The following CLIC5 variants were observed in gnomAD, a reference collection of about 807,000 sequenced individuals.
CLIC5 encodes the protein chloride intracellular channel protein 5.
A neutral mutation model predicts 24.7 loss-of-function variants in CLIC5; 20 were observed. The ratio of observed to expected loss-of-function variants is 0.81; its 90% CI spans 0.57 to 1.18. CLIC5 has a LOEUF of 1.18. Ranked by LOEUF, CLIC5 falls within the 50% of genes most tolerant of loss-of-function variation. CLIC5 has a pLI of 0.00. For synonymous variants in CLIC5, 159 were observed against 135.6 expected (o/e 1.17, Z -1.20); for missense variants, 341 against 326.1 (o/e 1.05, Z -0.35).
intron 1 of CLIC5, among the ~76,000 whole-genome samples, chr6:45,969,344 A>G (rs941249489): frequency 2.0e-5 from 3 of 152,136 alleles, no homozygotes; most frequent in African/African-American, 7.2e-5. Context: ...CTGCCTTCTC[A>G]CAACTTCTCT....
downstream of CLIC5, among the ~76,000 whole-genome samples, chr6:45,895,232 G>T (rs890866111): frequency 6.2e-4 from 95 of 152,014 alleles, 2 homozygotes; most frequent in Admixed American, 2.0e-4. Flanking sequence ...ATAATTCTAG[G>T]ATTATAGCAC....
chr6:45,964,760 C>T (rs1764963293), intron 1 of CLIC5, among the ~76,000 whole-genome samples: 1 of 152,174 alleles, frequency 6.6e-6, no homozygotes, highest in Non-Finnish European at 1.5e-5. Context: ...TAACCAAGTC[C>T]TGGCCAAATG....
upstream of CLIC5, among the ~76,000 whole-genome samples, chr6:46,082,830 C>A (rs765095362): frequency 4.6e-5 from 7 of 152,138 alleles, no homozygotes; most frequent in Admixed American, 1.3e-4. Context: ...ATATTTATCA[C>A]CCTCTAATAA....
chr6:46,074,429 G>A (rs1247891382), intron 1 of CLIC5, among the ~76,000 whole-genome samples: 1 of 152,186 alleles, frequency 6.6e-6, no homozygotes, highest in Admixed American at 6.5e-5. Context: ...CCAAATTATA[G>A]TGAATAATTC....
chr6:45,984,128 A>G (rs1330977771), intron 1 of CLIC5, among the ~76,000 whole-genome samples: 1 of 152,236 alleles, frequency 6.6e-6, no homozygotes, highest in Non-Finnish European at 1.5e-5. Context: ...AAGGAAAGAG[A>G]AAACTAGTAC....
At chr6:45,882,912 C>G (rs1481960986) in intron 6 of CLIC5, among the ~76,000 whole-genome samples, 1 of 152,160 alleles carries the variant, frequency 6.6e-6, no homozygotes, top group African/African-American at 2.4e-5. Context: ...ATTGAAAAGA[C>G]CCCTCCCTTT....
chr6:46,073,689 G>T (rs1185691226), intron 1 of CLIC5, among the ~76,000 whole-genome samples: 1 of 152,170 alleles, frequency 6.6e-6, no homozygotes, highest in Non-Finnish European at 1.5e-5. Flanking sequence ...GCAGTGAAAG[G>T]CAGCACTCTT....
chr6:45,987,099 A>G (rs1224511853), intron 1 of CLIC5, among the ~76,000 whole-genome samples: 1 of 152,080 alleles, frequency 6.6e-6, no homozygotes, highest in Non-Finnish European at 1.5e-5. Context: ...TAGCAACATG[A>G]GTGGCACTGT....
chr6:45,989,256 A>T (rs1490454685), intron 1 of CLIC5, among the ~76,000 whole-genome samples: 7 of 152,144 alleles, frequency 4.6e-5, no homozygotes, highest in Non-Finnish European at 1.0e-4. Flanking sequence ...CCTGATTGTC[A>T]TCACTAAGAC....
At chr6:46,015,434 G>T in intron 1 of CLIC5, 46 bp downstream of exon 1, 1 of 1,472,990 alleles carries the variant, frequency 6.8e-7, no homozygotes. Context: ...GGGTGAGCCC[G>T]GCGGGAGGCG....
chr6:46,027,261 G>T (rs1352366859), intron 1 of CLIC5, among the ~76,000 whole-genome samples: 1 of 152,212 alleles, frequency 6.6e-6, no homozygotes, highest in Non-Finnish European at 1.5e-5. Context: ...CACTGGGAAG[G>T]CCTCTCTGAA....
chr6:46,009,082 A>T (rs961373650), intron 1 of CLIC5, among the ~76,000 whole-genome samples: 14 of 152,018 alleles, frequency 9.2e-5, no homozygotes, highest in Non-Finnish European at 1.8e-4. Flanking sequence ...TGAAGAAGGC[A>T]AGTGCAGTGA....
chr6:46,031,897 T>C (rs1392310557), intron 1 of CLIC5, among the ~76,000 whole-genome samples: 1 of 148,350 alleles, frequency 6.7e-6, no homozygotes, highest in Non-Finnish European at 1.5e-5. Flanking sequence ...TACACACATA[T>C]ATATATACAA....
intron 1 of CLIC5, among the ~76,000 whole-genome samples, chr6:45,974,493 G>GTA (rs1294058722): frequency 4.2e-4 from 36 of 85,376 alleles, no homozygotes; most frequent in African/African-American, 1.2e-3. Flanking sequence ...CTGTGTGTGT[G>GTA]TGTGTATATA....
In CLIC5 at chr6:46,011,278, C is replaced by G. The variant is rs765586861; in HGVS notation, c.63+4202G>C. On this transcript the variant is annotated intron_variant, in intron 1 of 5. Transcript: ENST00000339561. ...GCTTTCTATCAACAACACTTCTGAC[C>G]GTGATGCCCTGAGGCTGTTAGAAGT... Among the ~76,000 whole-genome samples, 3 of 152,198 alleles carry G rather than the reference C, an allele frequency of 2.0e-5. No individual in the cohort carries two copies. The East Asian group carries it at 5.8e-4, about 29-fold the overall frequency.
intron 1 of CLIC5, among the ~76,000 whole-genome samples, chr6:45,969,338 C>A (rs1414516854): frequency 6.6e-6 from 1 of 152,196 alleles, no homozygotes; most frequent in African/African-American, 2.4e-5. Context: ...TGGGCTCTGC[C>A]TTCTCACAAC....
At chr6:46,059,064 T>C (rs1768343000) in intron 1 of CLIC5, among the ~76,000 whole-genome samples, 1 of 152,244 alleles carries the variant, frequency 6.6e-6, no homozygotes, top group Non-Finnish European at 1.5e-5. Context: ...TGTGCAGTAC[T>C]TAAGCTTGGT....
chr6:45,966,528 G>C (rs930327676), intron 1 of CLIC5, among the ~76,000 whole-genome samples: 4 of 152,156 alleles, frequency 2.6e-5, no homozygotes, highest in African/African-American at 7.2e-5. Context: ...AACAAACAAA[G>C]AAACAAATGA....
At chr6:46,001,258 C>A (rs1397812814) in intron 1 of CLIC5, among the ~76,000 whole-genome samples, 1 of 152,156 alleles carries the variant, frequency 6.6e-6, no homozygotes, top group East Asian at 1.9e-4. Flanking sequence ...GGGGTCTTGA[C>A]TGGGTGGAGA....
Sources: allele counts gnomAD v4.1 joint callset (sites outside exome capture counted in the v4.1 genomes callset), GRCh38; gene constraint gnomAD v4.1.1; transcripts MANE v1.5; gene names NCBI Gene and HGNC (gene_info 2026-07-23, HGNC 2026-07-21).